Variants in SYT1 observed in about 807,000 individuals in gnomAD.
SYT1 encodes synaptotagmin 1.
A neutral mutation model predicts 44.8 loss-of-function variants in SYT1; 8 were observed. The ratio of observed to expected loss-of-function variants is 0.18; its 90% CI spans 0.10 to 0.32. The LOEUF (loss-of-function observed/expected upper bound fraction) is 0.32, where lower values mean the gene tolerates loss of function less well. Among genes scored for constraint, SYT1 ranks in the 10% least tolerant of loss-of-function variants. The pLI is 1.00. For synonymous variants in SYT1, 154 were observed against 188.8 expected (o/e 0.82, Z 1.51); for missense variants, 286 against 509.3 (o/e 0.56, Z 4.22).
At chr12:79,048,185 A>G (rs1427256358) in intron 3 of SYT1, among the ~76,000 whole-genome samples, 3 of 151,914 alleles carry the variant, frequency 2.0e-5, no homozygotes, top group Non-Finnish European at 4.4e-5. Flanking sequence ...TTAGAGTAAA[A>G]CATAGTATAA....
chr12:79,375,700 T>C (rs1229900206), intron 9 of SYT1, among the ~76,000 whole-genome samples: 1 of 152,248 alleles, frequency 6.6e-6, no homozygotes, highest in African/African-American at 2.4e-5. Context: ...TCTGCTTCAC[T>C]TATTGCTCAT....
At chr12:79,264,987 G>A (rs1169627771) in intron 4 of SYT1, among the ~76,000 whole-genome samples, 7 of 151,964 alleles carry the variant, frequency 4.6e-5, no homozygotes. Flanking sequence ...TGAATGCTTT[G>A]ACGGTTGTAT....
rs186930399 is a variant in SYT1, at chr12:78,892,801, G to A, written c.-217+27692G>A. Among the ~76,000 whole-genome samples, 13 of 151,582 alleles carry A rather than the reference G, an allele frequency of 8.6e-5. No homozygotes were observed. In the East Asian group the frequency reaches 1.8e-3, roughly 20 times the overall value. On this transcript the variant is annotated intron_variant, in intron 1 of 10. Transcript: ENST00000261205. ...GGGAAAAAGTTTAATGACAAATAAC[G>A]GTAAAGAGGAGAATTATTTTTTTCA...
chr12:79,052,796 A>T (rs914994757), intron 3 of SYT1, among the ~76,000 whole-genome samples: 1 of 152,148 alleles, frequency 6.6e-6, no homozygotes, highest in African/African-American at 2.4e-5. Context: ...GCAAATCAAA[A>T]CCACAATGAG....
chr12:78,952,359 G>A (rs1879010971), intron 1 of SYT1, among the ~76,000 whole-genome samples: 1 of 152,118 alleles, frequency 6.6e-6, no homozygotes, highest in Non-Finnish European at 1.5e-5. Context: ...ACTACTTGAT[G>A]ATTCATCATC....
At chr12:79,054,368 C>A (rs905768820) in intron 3 of SYT1, among the ~76,000 whole-genome samples, 6 of 151,754 alleles carry the variant, frequency 4.0e-5, no homozygotes, top group Non-Finnish European at 7.4e-5. Context: ...TAAAAATAAA[C>A]CATGGTAGGA....
intron 9 of SYT1, among the ~76,000 whole-genome samples, chr12:79,378,537 C>T (rs1884091678): frequency 6.6e-6 from 1 of 152,186 alleles, no homozygotes; most frequent in African/African-American, 2.4e-5. Flanking sequence ...AGTGGCCTCA[C>T]AGACTTCATT....
At position 78,969,693 on chromosome 12, in the gene SYT1, G is replaced by T. The variant is rs575806536; in HGVS notation, c.-216-8106G>T. On this transcript the variant is annotated intron_variant, in intron 1 of 10. Transcript: ENST00000261205. ...GGGAGTGTGGTGAGATGAAGTAGGA[G>T]AAGTCAGCAGGACCCAGGAAATAAA... Among the ~76,000 whole-genome samples, 5 of 152,256 alleles carry T rather than the reference G, an allele frequency of 3.3e-5. No homozygotes were observed. The South Asian group carries it at 1.0e-3, about 32-fold the overall frequency.
chr12:79,217,491 C>T lies in SYT1; in HGVS notation c.-17-12C>T, dbSNP rs1410386356. 1 of 1,549,808 alleles carries T rather than the reference C, an allele frequency of 6.5e-7. No homozygotes were observed. Among genetic ancestry groups the T allele is most frequent in the Non-Finnish European group, 8.7e-7 (1 of 1,152,872 alleles). ...TTTGAATTGTTCTGTCTTTGCTTCC[C>T]TCCCCTCACAGCTTCACCTGAACCT... On this transcript the variant is annotated splice_polypyrimidine_tract_variant and intron_variant, in intron 3 of 10. Coordinates refer to ENST00000261205, the MANE Select transcript of SYT1 (RefSeq NM_005639.3).
chr12:79,080,197 G>A (rs575352436), intron 3 of SYT1, among the ~76,000 whole-genome samples: 1 of 152,068 alleles, frequency 6.6e-6, no homozygotes, highest in African/African-American at 2.4e-5. Context: ...TGAGGATTTA[G>A]TATATAGACA....
At chr12:79,264,761 T>C (rs1258940023) in intron 4 of SYT1, among the ~76,000 whole-genome samples, 1 of 152,244 alleles carries the variant, frequency 6.6e-6, no homozygotes, top group African/African-American at 2.4e-5. Flanking sequence ...ATTATTCTAA[T>C]GCTGCTTGCA....
chr12:79,218,039 A>C (rs891765334), intron 4 of SYT1, among the ~76,000 whole-genome samples: 1 of 152,118 alleles, frequency 6.6e-6, no homozygotes, highest in Non-Finnish European at 1.5e-5. Context: ...TTCATTGCAA[A>C]GATTGTTTCT....
At chr12:78,985,696 T>C (rs1445705117) in intron 2 of SYT1, among the ~76,000 whole-genome samples, 1 of 151,954 alleles carries the variant, frequency 6.6e-6, no homozygotes, top group Non-Finnish European at 1.5e-5. Flanking sequence ...TAATTCTGAG[T>C]ATAAATGTAA....
chr12:79,379,941 C>T (rs1884149335), intron 9 of SYT1, among the ~76,000 whole-genome samples: 1 of 152,072 alleles, frequency 6.6e-6, no homozygotes, highest in Non-Finnish European at 1.5e-5. Flanking sequence ...AAGGTTACAC[C>T]CGAGAGCAAG....
At chr12:78,978,538 A>C (rs1437553009) in intron 2 of SYT1, among the ~76,000 whole-genome samples, 1 of 152,218 alleles carries the variant, frequency 6.6e-6, no homozygotes, top group African/African-American at 2.4e-5. Flanking sequence ...TGTCTTAACT[A>C]ATGAATTCCA....
chr12:79,183,390 C>T (rs1202623034), intron 3 of SYT1, among the ~76,000 whole-genome samples: 1 of 151,842 alleles, frequency 6.6e-6, no homozygotes. Context: ...TGATACTGCC[C>T]CCAGGGGACA....
chr12:78,925,267 C>T (rs1224477688), intron 1 of SYT1, among the ~76,000 whole-genome samples: 1 of 151,848 alleles, frequency 6.6e-6, no homozygotes, highest in Non-Finnish European at 1.5e-5. Flanking sequence ...TATTTCTTTG[C>T]TCACCTTAGA....
At chr12:79,434,667 A>G (rs935059423) in intron 9 of SYT1, among the ~76,000 whole-genome samples, 34 of 152,226 alleles carry the variant, frequency 2.2e-4, no homozygotes, top group African/African-American at 8.2e-4. Flanking sequence ...CTACTGGACC[A>G]CTTATACAAG....
At chr12:78,965,933 C>T (rs1309739022) in intron 1 of SYT1, among the ~76,000 whole-genome samples, 4 of 151,698 alleles carry the variant, frequency 2.6e-5, no homozygotes, top group Admixed American at 2.0e-4. Context: ...AAAAATTAGC[C>T]GGGCACGGTG....
Sources: allele counts gnomAD v4.1 joint callset (sites outside exome capture counted in the v4.1 genomes callset), GRCh38; gene constraint gnomAD v4.1.1; transcripts MANE v1.5; gene names NCBI Gene and HGNC (gene_info 2026-07-23, HGNC 2026-07-21).